The following ALOX5AP variants were observed in gnomAD, a reference collection of about 807,000 sequenced individuals.
ALOX5AP encodes the protein arachidonate 5-lipoxygenase activating protein.
Under a neutral mutation model 18.5 loss-of-function variants are expected in ALOX5AP, and 9 were observed. The ratio of observed to expected loss-of-function variants is 0.49; its 90% CI spans 0.29 to 0.85. The LOEUF (loss-of-function observed/expected upper bound fraction) is 0.85. Among genes scored for constraint, ALOX5AP ranks in the 40% least tolerant of loss-of-function variants. The pLI, the probability that ALOX5AP is intolerant of heterozygous loss-of-function variation, is 0.08. For synonymous variants in ALOX5AP, 81 were observed against 78.6 expected, an observed-to-expected ratio of 1.03 and a Z score of -0.16; for missense variants, 172 against 202.5, an observed-to-expected ratio of 0.85 and a Z score of 0.91.
intron 1 of ALOX5AP, among the ~76,000 whole-genome samples, chr13:30,722,569 G>A (rs1951602500): frequency 6.6e-6 from 1 of 152,140 alleles, no homozygotes; most frequent in Non-Finnish European, 1.5e-5. Context: ...GAACATAGAG[G>A]ATATATATAA....
chr13:30,758,231 AAGG>A (rs1469192450), intron 4 of ALOX5AP, among the ~76,000 whole-genome samples: 2 of 152,180 alleles, frequency 1.3e-5, no homozygotes, highest in African/African-American at 4.8e-5. Context: ...GGTTAAATGC[AAGG>A]AGATTTTCAA....
Position 30,735,594 on chromosome 13 carries a change from C to T in ALOX5AP, c.-12C>T. ...AGGCAGAGCAGTCCTCTCTGGGGAG[C>T]CTGAAGCAAACATGGATCAAGAAAC... On this transcript the variant is annotated 5_prime_UTR_variant, in exon 1 of 5. Coordinates refer to ENST00000380490, the MANE Select transcript of ALOX5AP (RefSeq NM_001629.4). 1 of 1,614,126 alleles carries T rather than the reference C, an allele frequency of 6.2e-7. No homozygotes were observed. Among genetic ancestry groups the T allele is most frequent in the Non-Finnish European group, 8.5e-7 (1 of 1,180,032 alleles).
At position 30,713,859 on chromosome 13, in the gene ALOX5AP, C is replaced by CAT. The variant is rs1566076392; in HGVS notation, c.116+18_116+19insAT. Reference sequence around the variant, plus strand: ...CAGTGCTGGTGTGTGTGTGTGTGCGCGCACACGCGCATGTGTGTGCATCTT... The same window carrying CAT: ...CAGTGCTGGTGTGTGTGTGTGTGCGCATGCACACGCGCATGTGTGTGCATCTT... On this transcript the variant is annotated intron_variant, in intron 1 of 5. Transcript: ENST00000617770. The CAT allele has an allele frequency of 6.0e-6, 8 of 1,343,386 alleles. No individual in the cohort carries two copies. In the East Asian group the frequency reaches 1.1e-4, roughly 19 times the overall value. The allele number at this position is 1,343,386 out of a possible 1,614,324, so 83.2% of individuals were successfully genotyped here.
At chr13:30,731,881 C>T (rs142385796), upstream of ALOX5AP, among the ~76,000 whole-genome samples, 324 of 152,350 alleles carry the variant, frequency 2.1e-3, 1 homozygote, top group African/African-American at 7.3e-3. Context: ...TGCGGGAATC[C>T]GGGCAGGCAG....
chr13:30,763,830 G>A, intron 4 of ALOX5AP, 114 bp from the exon 5 acceptor site: 1 of 969,242 alleles, frequency 1.0e-6, no homozygotes, highest in Non-Finnish European at 1.6e-6. Context: ...GCATTGTTGA[G>A]TCCAGGGAGC....
At chr13:30,714,457 C>T (rs921504563) in intron 1 of ALOX5AP, among the ~76,000 whole-genome samples, 3 of 151,926 alleles carry the variant, frequency 2.0e-5, no homozygotes, top group Admixed American at 1.3e-4. Flanking sequence ...AGAGGGATCC[C>T]GTCATTGCCC....
chr13:30,733,301 TG>T (rs1460186754), upstream of ALOX5AP, among the ~76,000 whole-genome samples: 1 of 152,250 alleles, frequency 6.6e-6, no homozygotes, highest in African/African-American at 2.4e-5. Context: ...TTCTCCTTTT[TG>T]CTTAAACTAG....
intron 1 of ALOX5AP, among the ~76,000 whole-genome samples, chr13:30,725,671 A>T: frequency 6.6e-6 from 1 of 152,230 alleles, no homozygotes; most frequent in East Asian, 1.9e-4. Context: ...TTTACTCTGG[A>T]TATGGATGTG....
chr13:30,744,869 C>T (rs751539934), intron 2 of ALOX5AP, among the ~76,000 whole-genome samples: 20 of 152,296 alleles, frequency 1.3e-4, no homozygotes, highest in South Asian at 8.3e-4. Context: ...CTATGGACTA[C>T]GGACTAGGGG....
intron 1 of ALOX5AP, among the ~76,000 whole-genome samples, chr13:30,727,146 C>T (rs781651592): frequency 5.3e-5 from 8 of 151,850 alleles, no homozygotes; most frequent in Middle Eastern, 3.2e-3. Context: ...CTCTGCCTCC[C>T]GGGTTCAAGT....
upstream of ALOX5AP, among the ~76,000 whole-genome samples, chr13:30,735,013 C>CGT (rs372877577): frequency 6.9e-3 from 1,040 of 150,538 alleles, 4 homozygotes; most frequent in Middle Eastern, 0.017. Flanking sequence ...TTTGTGTGTG[C>CGT]GTGTGTGTGT....
chr13:30,739,306 G>A (rs1423613483), intron 1 of ALOX5AP, among the ~76,000 whole-genome samples: 1 of 152,250 alleles, frequency 6.6e-6, no homozygotes, highest in Non-Finnish European at 1.5e-5. Context: ...AGAGACTGGA[G>A]GGGCCGCTGT....
intron 1 of ALOX5AP, among the ~76,000 whole-genome samples, chr13:30,741,219 T>A (rs1303980362): frequency 6.9e-6 from 1 of 144,460 alleles, no homozygotes; most frequent in African/African-American, 2.5e-5. Context: ...GCCTCCCGGG[T>A]TCATGCCATT....
intron 1 of ALOX5AP, among the ~76,000 whole-genome samples, chr13:30,719,797 A>G (rs992912731): frequency 1.3e-5 from 2 of 152,106 alleles, no homozygotes; most frequent in African/African-American, 4.8e-5. Flanking sequence ...TTGTAATTCA[A>G]TCACAGCCTG....
At chr13:30,754,549 A>G (rs373226595) in intron 3 of ALOX5AP, among the ~76,000 whole-genome samples, 79 of 152,338 alleles carry the variant, frequency 5.2e-4, no homozygotes, top group African/African-American at 1.9e-3. Flanking sequence ...TAAAACTGCC[A>G]ATATCTGGCT....
chr13:30,761,769 G>C (rs576905658), intron 4 of ALOX5AP, among the ~76,000 whole-genome samples: 1 of 152,122 alleles, frequency 6.6e-6, no homozygotes, highest in African/African-American at 2.4e-5. Flanking sequence ...ACCTCACTGA[G>C]CATGTCTGTG....
chr13:30,731,233 A>G (rs1951678355), upstream of ALOX5AP, among the ~76,000 whole-genome samples: 1 of 152,164 alleles, frequency 6.6e-6, no homozygotes, highest in Non-Finnish European at 1.5e-5. Context: ...GTACAAATGC[A>G]GAAGGACCAG....
At chr13:30,744,203 AG>A (rs755960673) in intron 2 of ALOX5AP, 44 bp downstream of exon 2, 27 of 1,564,884 alleles carry the variant, frequency 1.7e-5, no homozygotes, top group African/African-American at 2.7e-5. Flanking sequence ...GGGCATGGGC[AG>A]GGGGGCCTCC....
At chr13:30,741,653 C>A (rs1951766496) in intron 1 of ALOX5AP, among the ~76,000 whole-genome samples, 1 of 150,840 alleles carries the variant, frequency 6.6e-6, no homozygotes, top group Admixed American at 6.6e-5. Flanking sequence ...AGGTGATCTA[C>A]CCGCTTCAGC....
Sources: gnomAD v4.1 joint callset for allele counts (sites outside exome capture counted in the v4.1 genomes callset) on GRCh38, gnomAD v4.1.1 for gene constraint, MANE v1.5 for transcripts, NCBI Gene and HGNC (gene_info 2026-07-23, HGNC 2026-07-21) for gene names.